Variants in SCLT1 observed in about 807,000 individuals in gnomAD.
The protein encoded by SCLT1 is sodium channel and clathrin linker 1, also known as sodium channel-associated protein 1.
In SCLT1, 78 loss-of-function variants were observed where a neutral mutation model predicts 112.8. That is an observed-to-expected ratio of 0.69 (90% CI 0.58 to 0.83). SCLT1 has a LOEUF of 0.83. Ranked by LOEUF, SCLT1 falls within the 40% of genes least tolerant of loss-of-function variation. The pLI, the probability that SCLT1 is intolerant of heterozygous loss-of-function variation, is 0.00. For synonymous variants in SCLT1, 257 were observed against 254.7 expected (o/e 1.01, Z -0.09); for missense variants, 747 against 770.4 (o/e 0.97, Z 0.36).
At chr4:129,030,948 G>A (rs1746661906) in intron 5 of SCLT1, among the ~76,000 whole-genome samples, 1 of 151,994 alleles carries the variant, frequency 6.6e-6, no homozygotes, top group South Asian at 2.1e-4. Context: ...AATAGAGAAA[G>A]AGGGACTCCT....
chr4:129,087,205 AG>A (rs201527498), intron 1 of SCLT1, among the ~76,000 whole-genome samples: 3,601 of 152,268 alleles, frequency 0.024, 68 homozygotes, highest in South Asian at 0.076. Flanking sequence ...AAAGAACCCT[AG>A]GGAATGTGAG....
chr4:128,955,642 T>C (rs929329212), intron 13 of SCLT1, among the ~76,000 whole-genome samples: 9 of 152,182 alleles, frequency 5.9e-5, no homozygotes, highest in East Asian at 1.9e-4. Context: ...CGTGAATAAT[T>C]TGGGATTAAA....
intron 2 of SCLT1, among the ~76,000 whole-genome samples, chr4:129,080,877 G>A (rs1447495292): frequency 6.6e-6 from 1 of 152,142 alleles, no homozygotes; most frequent in African/African-American, 2.4e-5. Context: ...GCAGTCTGTG[G>A]GAGAGAGAGT....
chr4:129,030,502 A>G (rs750737400), intron 5 of SCLT1, among the ~76,000 whole-genome samples: 39 of 152,124 alleles, frequency 2.6e-4, no homozygotes, highest in Admixed American at 2.4e-3. Context: ...AAAACTGCTC[A>G]AAAAATGAAT....
At chr4:128,956,981 T>C (rs761403075) in intron 13 of SCLT1, 45 bp downstream of exon 13, 2 of 1,064,562 alleles carry the variant, frequency 1.9e-6, no homozygotes, top group Non-Finnish European at 2.8e-6. Flanking sequence ...TAGTCTTTAG[T>C]TGTGACTTAA....
intron 5 of SCLT1, among the ~76,000 whole-genome samples, chr4:129,019,876 T>G (rs1269743849): frequency 6.6e-6 from 1 of 152,064 alleles, no homozygotes; most frequent in East Asian, 1.9e-4. Context: ...CATACACATT[T>G]TTTTTTTTCC....
chr4:128,949,835 C>CA (rs1738553685), intron 14 of SCLT1, among the ~76,000 whole-genome samples: 1 of 121,816 alleles, frequency 8.2e-6, no homozygotes, highest in Non-Finnish European at 1.6e-5. Context: ...TGGGGTATGG[C>CA]TTTTTTTCCT....
chr4:129,044,643 G>A (rs59003275), intron 2 of SCLT1, among the ~76,000 whole-genome samples: 2,142 of 151,692 alleles, frequency 0.014, 43 homozygotes, highest in African/African-American at 0.042. Context: ...AAACAAACAT[G>A]GTACTATAAC....
intron 2 of SCLT1, among the ~76,000 whole-genome samples, chr4:129,045,271 AC>A (rs1748081549): frequency 6.6e-6 from 1 of 152,114 alleles, no homozygotes; most frequent in Non-Finnish European, 1.5e-5. Context: ...TGCTCAAATT[AC>A]ATTTGTTAAC....
chr4:129,093,386 C>T lies in SCLT1; in HGVS notation c.-283G>A, dbSNP rs1025885692. ...GGGAAGAGGACGCGGTCGATACAGGCGTCCCGCGGGTCACTCTGGGTCTCG... is the reference window on the plus strand; with the variant it reads ...GGGAAGAGGACGCGGTCGATACAGGTGTCCCGCGGGTCACTCTGGGTCTCG... On this transcript the variant is annotated 5_prime_UTR_variant, in exon 1 of 21. Coordinates refer to ENST00000281142, the MANE Select transcript of SCLT1 (RefSeq NM_144643.4). 5.9e-6 allele frequency: 3 copies of T among 509,380 alleles called. No individual in the cohort carries two copies. The highest frequency in any genetic ancestry group is 5.2e-4 in the Middle Eastern group (1 of 1,914). 31.6% of individuals were successfully genotyped at this position (509,380 alleles called of 1,614,324 possible).
intron 15 of SCLT1, among the ~76,000 whole-genome samples, chr4:128,948,228 C>T (rs1164684831): frequency 6.7e-6 from 1 of 148,736 alleles, no homozygotes; most frequent in Non-Finnish European, 1.5e-5. Context: ...CCCAGCTACT[C>T]AGGAGGCTGA....
At chr4:128,985,547 A>C (rs764577673) in intron 9 of SCLT1, among the ~76,000 whole-genome samples, 1 of 152,184 alleles carries the variant, frequency 6.6e-6, no homozygotes, top group Non-Finnish European at 1.5e-5. Context: ...TTGATACTTA[A>C]TCAGTTAATG....
intron 15 of SCLT1, among the ~76,000 whole-genome samples, chr4:128,946,377 T>C (rs1365688857): frequency 6.6e-6 from 1 of 152,156 alleles, no homozygotes; most frequent in Non-Finnish European, 1.5e-5. Context: ...GAGACCAGCC[T>C]GGGCAACATA....
intron 18 of SCLT1, among the ~76,000 whole-genome samples, chr4:128,919,650 C>T (rs371312818): frequency 1.4e-4 from 21 of 151,874 alleles, no homozygotes; most frequent in South Asian, 2.1e-4. Flanking sequence ...GATTGATAGA[C>T]CACCAGCTAG....
intron 13 of SCLT1, among the ~76,000 whole-genome samples, chr4:128,953,102 AT>A (rs925539117): frequency 4.8e-4 from 73 of 152,250 alleles, no homozygotes; most frequent in African/African-American, 1.7e-3. Flanking sequence ...TAAAAAAAAG[AT>A]CTTTTGCTTA....
chr4:128,914,463 A>G lies in SCLT1; in HGVS notation c.1829+22192T>C, dbSNP rs548065651. Among the ~76,000 whole-genome samples, 3 of 152,346 alleles carry G rather than the reference A, an allele frequency of 2.0e-5. No individual in the cohort carries two copies. In the South Asian group the frequency reaches 6.2e-4, roughly 32 times the overall value. ...AATCTTAAATAGAGTAATAAAAAAT[A>G]GGAAGTGATGAGAAATGAGATTGGA... On this transcript the variant is annotated intron_variant, in intron 18 of 20. Transcript: ENST00000281142.
chr4:128,875,922 ATAT>A (rs947591123), intron 4 of SCLT1, among the ~76,000 whole-genome samples: 9 of 152,274 alleles, frequency 5.9e-5, no homozygotes, highest in African/African-American at 1.9e-4. Context: ...GGGCAAAAAA[ATAT>A]TATCTGCATT....
chr4:128,998,734 T>C (rs901731500), intron 7 of SCLT1, among the ~76,000 whole-genome samples: 1 of 151,842 alleles, frequency 6.6e-6, no homozygotes, highest in Non-Finnish European at 1.5e-5. Context: ...GGACTTTTTT[T>C]CAAGCCAGGG....
intron 18 of SCLT1, among the ~76,000 whole-genome samples, chr4:128,919,911 C>T (rs1735752570): frequency 2.0e-5 from 3 of 152,006 alleles, no homozygotes; most frequent in African/African-American, 4.8e-5. Flanking sequence ...TAATAAAAGT[C>T]TATCAACCAG....
Sources: gnomAD v4.1 joint callset for allele counts (sites outside exome capture counted in the v4.1 genomes callset) on GRCh38, gnomAD v4.1.1 for gene constraint, MANE v1.5 for transcripts, NCBI Gene and HGNC (gene_info 2026-07-23, HGNC 2026-07-21) for gene names.